The following FANCC variants were observed in gnomAD, a reference collection of about 807,000 sequenced individuals.
FANCC encodes Fanconi anemia group C protein.
In FANCC, 55 loss-of-function variants were observed where a neutral mutation model predicts 71.3. The ratio of observed to expected loss-of-function variants is 0.77; its 90% CI spans 0.62 to 0.97. FANCC has a LOEUF of 0.97. Ranked by LOEUF, FANCC falls within the 50% of genes least tolerant of loss-of-function variation. The pLI, the probability that FANCC is intolerant of heterozygous loss-of-function variation, is 0.00. For missense variants in FANCC, 678 were observed against 670.9 expected (o/e 1.01, Z -0.12); for synonymous variants, 275 against 244.9 (o/e 1.12, Z -1.15).
chr9:95,260,700 A>C (rs1831988679), intron 1 of FANCC, among the ~76,000 whole-genome samples: 1 of 151,984 alleles, frequency 6.6e-6, no homozygotes, highest in Non-Finnish European at 1.5e-5. Flanking sequence ...AAAAAAAAAA[A>C]AACTTCCAGA....
At chr9:95,294,022 T>A in intron 1 of FANCC, 1 of 1,596,834 alleles carries the variant, frequency 6.3e-7, no homozygotes, top group South Asian at 1.1e-5. Context: ...GATTGAGAAA[T>A]GTGCACCAAT....
intron 6 of FANCC, among the ~76,000 whole-genome samples, chr9:95,155,283 A>AGGG (rs1830399817): frequency 4.4e-4 from 24 of 54,358 alleles, no homozygotes; most frequent in South Asian, 1.1e-3. Flanking sequence ...AGGGGAGGGG[A>AGGG]AGGAAGGGGA....
chr9:95,151,051 A>G (rs1230437659), intron 6 of FANCC, among the ~76,000 whole-genome samples: 1 of 152,204 alleles, frequency 6.6e-6, no homozygotes, highest in East Asian at 1.9e-4. Context: ...ACAGTACCGA[A>G]CAGTGCACAT....
At chr9:95,171,928 G>C (rs1825704560) in intron 5 of FANCC, 109 bp downstream of exon 5, 2 of 748,156 alleles carry the variant, frequency 2.7e-6, no homozygotes, top group South Asian at 3.1e-5. Flanking sequence ...GATAAACAAA[G>C]AAAAGTTAAA....
chr9:95,233,970 C>T (rs1189623931), intron 4 of FANCC, among the ~76,000 whole-genome samples: 1 of 152,200 alleles, frequency 6.6e-6, no homozygotes, highest in Non-Finnish European at 1.5e-5. Flanking sequence ...CCGGTTCCCA[C>T]TTCCTCTCAG....
At chr9:95,266,554 C>T (rs1259473652) in intron 1 of FANCC, among the ~76,000 whole-genome samples, 2 of 152,204 alleles carry the variant, frequency 1.3e-5, no homozygotes, top group Non-Finnish European at 2.9e-5. Context: ...TAAAGCAGTG[C>T]TCCTTGGCAC....
intron 1 of FANCC, among the ~76,000 whole-genome samples, chr9:95,270,558 C>T (rs904572662): frequency 3.3e-5 from 5 of 152,242 alleles, no homozygotes; most frequent in African/African-American, 1.2e-4. Flanking sequence ...ATGTGCAGTT[C>T]ATACTCTACT....
intron 4 of FANCC, among the ~76,000 whole-genome samples, chr9:95,229,326 G>T (rs1044758127): frequency 2.0e-5 from 3 of 151,362 alleles, no homozygotes; most frequent in Non-Finnish European, 2.9e-5. Flanking sequence ...AAATCCTTCT[G>T]GTTGAGACTC....
At chr9:95,293,992 C>T in intron 1 of FANCC, 1 of 1,590,828 alleles carries the variant, frequency 6.3e-7, no homozygotes, top group Non-Finnish European at 8.6e-7. Flanking sequence ...TCAGAATGAG[C>T]CTAAGACTTT....
intron 4 of FANCC, among the ~76,000 whole-genome samples, chr9:95,231,696 A>G (rs1830019693): frequency 6.6e-6 from 1 of 152,238 alleles, no homozygotes; most frequent in Non-Finnish European, 1.5e-5. Flanking sequence ...AGTGTGGAGA[A>G]CAGAGTTCGT....
intron 3 of FANCC, 111 bp downstream of exon 3, chr9:95,247,321 G>C: frequency 1.3e-6 from 1 of 783,296 alleles, no homozygotes; most frequent in East Asian, 2.5e-5. Context: ...CATTTGATAA[G>C]TTGTTCCATT....
intron 4 of FANCC, among the ~76,000 whole-genome samples, chr9:95,204,987 G>A (rs1364461389): frequency 1.3e-5 from 2 of 152,164 alleles, no homozygotes. Context: ...CTAAAGCTTG[G>A]CAAGAAGCAT....
At chr9:95,127,077 AATCAC>A (rs1826102877) in intron 8 of FANCC, 1 of 165,732 alleles carries the variant, frequency 6.0e-6, no homozygotes, top group Admixed American at 5.7e-5. Context: ...CGCTGGACTA[AATCAC>A]ATCACATCTT....
chr9:95,148,288 A>T (rs1284424190), intron 7 of FANCC, among the ~76,000 whole-genome samples: 2 of 152,236 alleles, frequency 1.3e-5, no homozygotes. Flanking sequence ...TTGCCTGGAG[A>T]AAAGCACTCC....
In FANCC at chr9:95,211,544, G is replaced by A. The variant is rs1439108663; in HGVS notation, c.345+29105C>T. Among the ~76,000 whole-genome samples the A allele has an allele frequency of 4.6e-5, 7 of 152,126 alleles. No homozygotes were observed. In the East Asian group the frequency reaches 7.7e-4, roughly 17 times the overall value. ...GCCACTATAGACCTGCCCCAACAAC[G>A]TTTACAAACAAGCTTGGAAAGGATA... On this transcript the variant is annotated intron_variant, in intron 4 of 14. Transcript: ENST00000289081.
intron 4 of FANCC, among the ~76,000 whole-genome samples, chr9:95,225,246 A>G (rs1360632714): frequency 6.6e-6 from 1 of 152,198 alleles, no homozygotes; most frequent in Admixed American, 6.5e-5. Flanking sequence ...ACTAGTGGCT[A>G]TTCATTAAGA....
intron 10 of FANCC, among the ~76,000 whole-genome samples, chr9:95,122,778 C>T (rs746054432): frequency 5.9e-5 from 9 of 152,148 alleles, no homozygotes; most frequent in African/African-American, 7.2e-5. Flanking sequence ...GTGTGCTCCG[C>T]GAGGCCACAG....
chr9:95,225,778 A>C (rs1468925136), intron 4 of FANCC, among the ~76,000 whole-genome samples: 1 of 152,232 alleles, frequency 6.6e-6, no homozygotes, highest in Non-Finnish European at 1.5e-5. Flanking sequence ...ACTTCCAAAC[A>C]AAATTAAAAC....
At chr9:95,238,094 C>T (rs1307562320) in intron 4 of FANCC, among the ~76,000 whole-genome samples, 1 of 152,098 alleles carries the variant, frequency 6.6e-6, no homozygotes, top group Non-Finnish European at 1.5e-5. Flanking sequence ...CTTCTTGGAC[C>T]CCTCCTTACA....
Sources: gnomAD v4.1 joint callset for allele counts (sites outside exome capture counted in the v4.1 genomes callset) on GRCh38, gnomAD v4.1.1 for gene constraint, MANE v1.5 for transcripts, NCBI Gene and HGNC (gene_info 2026-07-23, HGNC 2026-07-21) for gene names.